Variants in DACH1 observed in about 807,000 individuals in gnomAD.
The protein encoded by DACH1 is dachshund family transcription factor 1, also known as dachshund homolog 1.
A neutral mutation model predicts 54.2 loss-of-function variants in DACH1; 12 were observed. The observed-to-expected ratio is 0.22, with a 90% CI of 0.14 to 0.36. The LOEUF (loss-of-function observed/expected upper bound fraction) is 0.36. DACH1 is among the 10% of genes least tolerant of loss of function. The pLI, the probability that DACH1 is intolerant of heterozygous loss-of-function variation, is 1.00. For missense variants in DACH1, 805 were observed against 929.8 expected (o/e 0.87, Z 1.75); for synonymous variants, 386 against 366.2 (o/e 1.05, Z -0.62).
At chr13:71,644,978 GA>G (rs200440666) in intron 2 of DACH1, among the ~76,000 whole-genome samples, 26 of 149,078 alleles carry the variant, frequency 1.7e-4, no homozygotes, top group African/African-American at 3.4e-4. Context: ...ATCATGAATG[GA>G]AAAAAAAAAT....
chr13:71,453,963 G>GA (rs1875312318), intron 10 of DACH1, among the ~76,000 whole-genome samples: 1 of 152,076 alleles, frequency 6.6e-6, no homozygotes, highest in African/African-American at 2.4e-5. Flanking sequence ...TCCTATACAA[G>GA]AACTTTTAAG....
chr13:71,496,803 A>C (rs1410769614), intron 6 of DACH1, among the ~76,000 whole-genome samples: 2 of 152,196 alleles, frequency 1.3e-5, no homozygotes, highest in Admixed American at 6.5e-5. Flanking sequence ...ATCACATTAA[A>C]ATTTATCAAA....
rs150364901 is a variant in DACH1, at chr13:71,504,556, G to A, written c.1571-15408C>T. Among the ~76,000 whole-genome samples the A allele has an allele frequency of 4.7e-3, 717 of 152,282 alleles. 4 individuals carry two copies. Among genetic ancestry groups the A allele is most frequent in the African/African-American group, 0.016 (675 of 41,570 alleles). On this transcript the variant is annotated intron_variant, in intron 6 of 10. Coordinates refer to ENST00000613252, the MANE Select transcript of DACH1 (RefSeq NM_080759.6). ...AGCGTGGATGAGATCGCTAAGGGGA[G>A]AGAGGTTAGAATGGAATTTGAGATG... is the stretch of plus-strand genomic sequence containing the variant.
At chr13:71,671,395 A>T (rs1277308815) in intron 2 of DACH1, among the ~76,000 whole-genome samples, 5 of 152,088 alleles carry the variant, frequency 3.3e-5, no homozygotes, top group Admixed American at 1.3e-4. Context: ...TTGCTTAAGA[A>T]TATAAAGCAT....
intron 1 of DACH1, among the ~76,000 whole-genome samples, chr13:71,743,398 G>T (rs1566473598): frequency 6.6e-6 from 1 of 152,140 alleles, no homozygotes. Context: ...TGAAGTCAAG[G>T]GTTGCTGTTT....
chr13:71,448,272 A>G (rs1027903535), intron 10 of DACH1, among the ~76,000 whole-genome samples: 1 of 152,208 alleles, frequency 6.6e-6, no homozygotes, highest in Non-Finnish European at 1.5e-5. Flanking sequence ...CAGAAAGTTT[A>G]ATATTTACTT....
chr13:71,771,973 T>C (rs1285837166), intron 1 of DACH1, among the ~76,000 whole-genome samples: 1 of 151,444 alleles, frequency 6.6e-6, no homozygotes, highest in East Asian at 1.9e-4. Flanking sequence ...TTATCTAAAG[T>C]TACTGGCAAG....
At chr13:71,573,922 C>A (rs1885377806) in intron 3 of DACH1, among the ~76,000 whole-genome samples, 1 of 152,076 alleles carries the variant, frequency 6.6e-6, no homozygotes, top group African/African-American at 2.4e-5. Flanking sequence ...TTATAGAATG[C>A]AAAGTTATTC....
At chr13:71,811,346 CAT>C (rs1887700640) in intron 1 of DACH1, among the ~76,000 whole-genome samples, 1 of 151,882 alleles carries the variant, frequency 6.6e-6, no homozygotes, top group Admixed American at 6.6e-5. Context: ...ATGTATGTTC[CAT>C]ATTACAGATT....
intron 6 of DACH1, among the ~76,000 whole-genome samples, chr13:71,550,679 T>C (rs1052623976): frequency 6.6e-6 from 1 of 152,146 alleles, no homozygotes; most frequent in South Asian, 2.1e-4. Context: ...ACCAGTGTCT[T>C]AAGCAAGCTG....
At chr13:71,520,854 G>A (rs1282553787) in intron 6 of DACH1, among the ~76,000 whole-genome samples, 4 of 151,862 alleles carry the variant, frequency 2.6e-5, no homozygotes, top group Admixed American at 1.3e-4. Flanking sequence ...TAGTATTATG[G>A]TAGTTAGGTG....
At chr13:71,658,817 T>C (rs1264355026) in intron 2 of DACH1, among the ~76,000 whole-genome samples, 2 of 152,166 alleles carry the variant, frequency 1.3e-5, no homozygotes, top group Non-Finnish European at 2.9e-5. Flanking sequence ...TTCAAAGATT[T>C]GAAGTCTCTA....
intron 6 of DACH1, among the ~76,000 whole-genome samples, chr13:71,556,204 C>T (rs1179199248): frequency 6.6e-6 from 1 of 151,928 alleles, no homozygotes; most frequent in Admixed American, 6.6e-5. Context: ...TAATTGTGCC[C>T]CTTTTATGTT....
chr13:71,478,051 G>T (rs1011324787), intron 8 of DACH1, among the ~76,000 whole-genome samples: 3 of 152,154 alleles, frequency 2.0e-5, no homozygotes, highest in African/African-American at 7.2e-5. Context: ...CCCCGGGCCT[G>T]CTTTTAAGTT....
intron 6 of DACH1, among the ~76,000 whole-genome samples, chr13:71,509,622 G>C (rs1188656798): frequency 6.6e-6 from 1 of 151,908 alleles, no homozygotes; most frequent in Admixed American, 6.6e-5. Context: ...TTTCAATATG[G>C]GTCCTAGAGC....
Position 71,866,737 on chromosome 13 carries a change from G to A in DACH1, c.33C>T (p.Thr11=), listed in dbSNP as rs765727863. 1 of 1,427,796 alleles carries A rather than the reference G, an allele frequency of 7.0e-7. No homozygotes were observed. Among genetic ancestry groups the A allele is most frequent in the Non-Finnish European group, 9.2e-7 (1 of 1,081,704 alleles). 88.4% of individuals were successfully genotyped at this position (1,427,796 alleles called of 1,614,324 possible). ...TTGGGGGTTGAGGGGGGACCAGCTG[G>A]GTCGGAGGGATCAAAGCCGCCGGCA... MAVPAALIPP[T]QLVPPQPPIS... is the part of the protein sequence containing the mutation. Residue 11 remains threonine (T), a synonymous_variant, in exon 1 of 11, where the codon ACC becomes ACT. Transcript: ENST00000613252.
At chr13:71,617,553 C>G (rs549307114) in intron 3 of DACH1, among the ~76,000 whole-genome samples, 1 of 152,300 alleles carries the variant, frequency 6.6e-6, no homozygotes, top group South Asian at 2.1e-4. Context: ...GTGATTCATT[C>G]TGGCTGAACA....
chr13:71,837,921 G>A (rs1017866840), intron 1 of DACH1, among the ~76,000 whole-genome samples: 8 of 138,318 alleles, frequency 5.8e-5, no homozygotes, highest in South Asian at 4.6e-4. Context: ...ACCAAACACC[G>A]CATATTCTCA....
intron 6 of DACH1, among the ~76,000 whole-genome samples, chr13:71,514,435 A>C (rs1881008927): frequency 6.6e-6 from 1 of 151,884 alleles, no homozygotes; most frequent in Admixed American, 6.6e-5. Flanking sequence ...AATGAATTAA[A>C]ATACTATATT....
Sources: allele counts gnomAD v4.1 joint callset (sites outside exome capture counted in the v4.1 genomes callset), GRCh38; gene constraint gnomAD v4.1.1; transcripts MANE v1.5; gene names NCBI Gene and HGNC (gene_info 2026-07-23, HGNC 2026-07-21).